DYNC1LI1: variants seen among roughly 807,000 people sequenced by gnomAD.
DYNC1LI1 encodes dynein cytoplasmic 1 light intermediate chain 1, also known as cytoplasmic dynein 1 light intermediate chain 1.
A neutral mutation model predicts 63.8 loss-of-function variants in DYNC1LI1; 19 were observed. That is an observed-to-expected ratio of 0.30 (90% CI 0.21 to 0.44). DYNC1LI1 has a LOEUF of 0.44. Ranked by LOEUF, DYNC1LI1 falls within the 20% of genes least tolerant of loss-of-function variation. The pLI, the probability that DYNC1LI1 is intolerant of heterozygous loss-of-function variation, is 1.00. For missense variants in DYNC1LI1, 565 were observed against 630.2 expected, an observed-to-expected ratio of 0.90 and a Z score of 1.11; for synonymous variants, 225 against 232.3, an observed-to-expected ratio of 0.97 and a Z score of 0.28.
chr3:32,542,470 G>A (rs984026204), intron 4 of DYNC1LI1, among the ~76,000 whole-genome samples: 23 of 149,264 alleles, frequency 1.5e-4, no homozygotes, highest in East Asian at 4.0e-4. Context: ...ATGCAGTGGC[G>A]CAATCTCACT....
At chr3:32,538,901 G>A (rs1697839712) in intron 5 of DYNC1LI1, among the ~76,000 whole-genome samples, 1 of 152,072 alleles carries the variant, frequency 6.6e-6, no homozygotes, top group South Asian at 2.1e-4. Context: ...TTCATAAACT[G>A]AAATACATCT....
At chr3:32,528,122 A>C (rs1422954961) in intron 12 of DYNC1LI1, among the ~76,000 whole-genome samples, 3 of 135,650 alleles carry the variant, frequency 2.2e-5, no homozygotes, top group African/African-American at 6.7e-5. Context: ...CAAAAAAAAA[A>C]AAAAAAAAAA....
At chr3:32,532,500 T>TATATATATATATATATATAC in intron 8 of DYNC1LI1, 1 of 146,828 alleles carries the variant, frequency 6.8e-6, no homozygotes, top group Non-Finnish European at 1.5e-5. Flanking sequence ...TATATATATA[T>TATATATATATATATATATAC]ATATATAAAA....
At chr3:32,551,359 C>T (rs954537226) in intron 2 of DYNC1LI1, among the ~76,000 whole-genome samples, 2 of 152,142 alleles carry the variant, frequency 1.3e-5, no homozygotes, top group African/African-American at 2.4e-5. Flanking sequence ...AGCAAAGAAG[C>T]ATCCTTCTAG....
At position 32,570,313 on chromosome 3, in the gene DYNC1LI1, C is replaced by T. The variant is rs370583769; in HGVS notation, c.220+33G>A. 31 of 1,513,672 alleles carry T rather than the reference C, an allele frequency of 2.0e-5. No individual in the cohort carries two copies. In the African/African-American group the frequency reaches 3.4e-4, roughly 17 times the overall value. The allele number at this position is 1,513,672 out of a possible 1,614,324, so 93.8% of individuals were successfully genotyped here. On this transcript the variant is annotated intron_variant, in intron 2 of 12. Transcript: ENST00000273130. ...CCAGGTACCCCGGGCCGCTGGGGGC[C>T]GGGCGGGGCGGGGCGAGGCAGGGAA... is the stretch of plus-strand genomic sequence containing the variant.
chr3:32,553,467 A>T (rs1033310904), intron 2 of DYNC1LI1, among the ~76,000 whole-genome samples: 2 of 152,236 alleles, frequency 1.3e-5, no homozygotes, highest in African/African-American at 4.8e-5. Context: ...CTACTTTGAG[A>T]GTATTTTAAA....
intron 2 of DYNC1LI1, among the ~76,000 whole-genome samples, chr3:32,558,233 A>G: frequency 6.6e-6 from 1 of 152,042 alleles, no homozygotes; most frequent in African/African-American, 2.4e-5. Flanking sequence ...ACCCTGTCTC[A>G]AACAACAACA....
At chr3:32,549,250 G>T (rs1364369969) in intron 2 of DYNC1LI1, among the ~76,000 whole-genome samples, 1 of 150,204 alleles carries the variant, frequency 6.7e-6, no homozygotes, top group Non-Finnish European at 1.5e-5. Context: ...TAATTTTGGG[G>T]TTTGGAGTTA....
chr3:32,562,434 G>A (rs2125445577), intron 2 of DYNC1LI1, among the ~76,000 whole-genome samples: 1 of 152,176 alleles, frequency 6.6e-6, no homozygotes, highest in South Asian at 2.1e-4. Context: ...TGGACTCCCA[G>A]GCTCATATGA....
intron 2 of DYNC1LI1, among the ~76,000 whole-genome samples, chr3:32,556,213 T>C (rs994014026): frequency 5.3e-5 from 8 of 152,204 alleles, no homozygotes; most frequent in African/African-American, 1.9e-4. Flanking sequence ...GAGAACGCTA[T>C]CTTCTTCTGG....
intron 2 of DYNC1LI1, among the ~76,000 whole-genome samples, chr3:32,558,616 C>T (rs1446619395): frequency 6.6e-6 from 1 of 151,886 alleles, no homozygotes; most frequent in African/African-American, 2.4e-5. Context: ...GAGGCCGAGG[C>T]GGGCCGATCA....
In DYNC1LI1 at chr3:32,526,043, G is replaced by A. The variant is rs1697611128; in HGVS notation, c.*756C>T. On this transcript the variant is annotated 3_prime_UTR_variant, in exon 13 of 13. Coordinates refer to ENST00000273130, the MANE Select transcript of DYNC1LI1 (RefSeq NM_016141.4). ...AGTTGAAAGTCACAAACAAAAAAGG[G>A]GGTATATTAAGGCAAAGCCATATAT... 6.6e-6 allele frequency: 1 copy of A among 151,926 alleles called. No homozygotes were observed. Among genetic ancestry groups the A allele is most frequent in the African/African-American group, 2.4e-5 (1 of 41,044 alleles). The allele number at this position is 151,926 out of a possible 1,614,324, so 9.4% of individuals were successfully genotyped here.
chr3:32,544,814 G>T, intron 4 of DYNC1LI1, 62 bp downstream of exon 4: 2 of 1,200,336 alleles, frequency 1.7e-6, no homozygotes, highest in Non-Finnish European at 2.4e-6. Context: ...AATTCCTAAT[G>T]ATTAAAGTCA....
chr3:32,529,628 T>G lies in DYNC1LI1; in HGVS notation c.1218A>C (p.Pro406=). Residue 406 remains proline, a synonymous_variant, in exon 11 of 13, where the codon CCA becomes CCC. Coordinates refer to ENST00000273130, the MANE Select transcript of DYNC1LI1 (RefSeq NM_016141.4). ...DASPRVPGGS[P]RTPNRSVSSN... ...ATGATACAGATCTATTTGGTGTTCG[T>G]GGGGAGCCTCCTGGGACTCTTGGTG... The G allele has an allele frequency of 6.2e-7, 1 of 1,609,780 alleles. No homozygotes were observed. Among genetic ancestry groups the G allele is most frequent in the East Asian group, 2.2e-5 (1 of 44,836 alleles).
chr3:32,555,455 G>A (rs1464083045), intron 2 of DYNC1LI1, among the ~76,000 whole-genome samples: 1 of 152,194 alleles, frequency 6.6e-6, no homozygotes, highest in African/African-American at 2.4e-5. Context: ...TCTGATCTGA[G>A]GTATCTGCAA....
chr3:32,556,501 C>T (rs550694291), intron 2 of DYNC1LI1, among the ~76,000 whole-genome samples: 1 of 152,308 alleles, frequency 6.6e-6, no homozygotes, highest in Non-Finnish European at 1.5e-5. Context: ...ACAGATCTTT[C>T]ACCAACCTTC....
In DYNC1LI1 at chr3:32,558,421, A is replaced by G. The variant is rs201591371; in HGVS notation, c.220+11925T>C. 1.4e-3 allele frequency among the ~76,000 whole-genome samples: 207 copies of G among 150,544 alleles called. 1 individual carries two copies. Among genetic ancestry groups the G allele is most frequent in the African/African-American group, 3.5e-3 (146 of 41,308 alleles). On this transcript the variant is annotated intron_variant, in intron 2 of 12. Transcript: ENST00000273130. ...AAAAATGTAAAAAAAAAAAAAAAAAAAAAAGAAAAGAAAAAGAAAATCTCA... is the reference window on the plus strand; with the variant it reads ...AAAAATGTAAAAAAAAAAAAAAAAAGAAAAGAAAAGAAAAAGAAAATCTCA...
rs1488624694 is a variant in DYNC1LI1 at position 32,530,312 on chromosome 3, T to A, written c.1157A>T (p.Gln386Leu). ...LMKLQSLLAKQPPTAAGRPVD... is the reference protein window; with the variant it reads ...LMKLQSLLAKLPPTAAGRPVD... ...AGGCCTTCCAGCTGCAGTTGGTGGTTGCTTTGCTAAAAGGGACTGAAAAAA... is the reference window on the plus strand; with the variant it reads ...AGGCCTTCCAGCTGCAGTTGGTGGTAGCTTTGCTAAAAGGGACTGAAAAAA... The change falls in exon 10 of 13, where the codon CAA becomes CTA. Residue 386 changes from glutamine to leucine, a missense_variant. Transcript: ENST00000273130. 6.2e-7 allele frequency: 1 copy of A among 1,609,606 alleles called. No individual in the cohort carries two copies. The highest frequency in any genetic ancestry group is 1.1e-5 in the South Asian group (1 of 89,922).
chr3:32,559,004 C>A (rs1204387256), intron 2 of DYNC1LI1, among the ~76,000 whole-genome samples: 2 of 151,698 alleles, frequency 1.3e-5, no homozygotes. Flanking sequence ...AAGATCAGAC[C>A]ATCTCTATAG....
Sources: allele counts gnomAD v4.1 joint callset (sites outside exome capture counted in the v4.1 genomes callset), GRCh38; gene constraint gnomAD v4.1.1; transcripts MANE v1.5; gene names NCBI Gene and HGNC (gene_info 2026-07-23, HGNC 2026-07-21).